The following STK32B variants were observed in gnomAD, a reference collection of about 807,000 sequenced individuals.
STK32B encodes serine/threonine-protein kinase 32B.
Under a neutral mutation model 52.6 loss-of-function variants are expected in STK32B, and 43 were observed. That is an observed-to-expected ratio of 0.82 (90% CI 0.64 to 1.05). The LOEUF (loss-of-function observed/expected upper bound fraction) is 1.05, where lower values mean the gene tolerates loss of function less well. STK32B is among the 50% of genes least tolerant of loss of function. The probability of loss-of-function intolerance (pLI) is 0.00; values close to 1 mark genes in which losing one functional copy is unlikely to be tolerated. For synonymous variants in STK32B, 238 were observed against 204.3 expected, an observed-to-expected ratio of 1.17 and a Z score of -1.41; for missense variants, 621 against 534.6, an observed-to-expected ratio of 1.16 and a Z score of -1.59.
rs564594306 is a variant in STK32B at position 5,139,920 on chromosome 4, T to A, written c.68T>A (p.Phe23Tyr). Residue 23 changes from phenylalanine (F) to tyrosine (Y), a missense_variant, in exon 2 of 12, where the codon TTT (phenylalanine) becomes TAT (tyrosine). Coordinates refer to ENST00000282908, the MANE Select transcript of STK32B (RefSeq NM_018401.3). ...TCTTTTGCAGTCAACTTTGACCATT[T>A]TCAGATTCTGCGGGCCATTGGTAAA... Reference protein sequence around the residue: ...DENEEVNFDHFQILRAIGKGS... With the variant: ...DENEEVNFDHYQILRAIGKGS... 1 of 1,614,198 alleles carries A rather than the reference T, an allele frequency of 6.2e-7. No homozygotes were observed. The highest frequency in any genetic ancestry group is 8.5e-7 in the Non-Finnish European group (1 of 1,180,034).
chr4:5,331,545 T>A (rs1560326718), intron 4 of STK32B, 152 bp downstream of exon 4: 1 of 778,790 alleles, frequency 1.3e-6, no homozygotes, highest in Non-Finnish European at 2.0e-6. Flanking sequence ...TTTCTTCCTA[T>A]TTTTTTATGT....
At chr4:5,444,191 T>A (rs1324516582) in intron 6 of STK32B, among the ~76,000 whole-genome samples, 1 of 151,958 alleles carries the variant, frequency 6.6e-6, no homozygotes, top group African/African-American at 2.4e-5. Flanking sequence ...CGGGCGCCCC[T>A]CCCCCAGCCT....
chr4:5,389,375 G>C (rs1373916593), intron 4 of STK32B, among the ~76,000 whole-genome samples: 1 of 152,208 alleles, frequency 6.6e-6, no homozygotes, highest in East Asian at 1.9e-4. Flanking sequence ...GGTTCTGAAA[G>C]CTGGAAGTCC....
intron 3 of STK32B, among the ~76,000 whole-genome samples, chr4:5,240,110 GGTTTGACAT>G (rs1054352686): frequency 2.9e-5 from 4 of 139,794 alleles, no homozygotes; most frequent in Non-Finnish European, 6.2e-5. Context: ...TTTATCCTTG[GGTTTGACAT>G]GTTTGACTTC....
At chr4:5,462,964 G>C (rs535960646) in intron 9 of STK32B, among the ~76,000 whole-genome samples, 32 of 152,298 alleles carry the variant, frequency 2.1e-4, no homozygotes, top group African/African-American at 7.2e-4. Flanking sequence ...CGCAGGCTCT[G>C]CTGAGCCGGG....
At chr4:5,203,739 A>G (rs1367046067) in intron 3 of STK32B, among the ~76,000 whole-genome samples, 2 of 152,090 alleles carry the variant, frequency 1.3e-5, no homozygotes, top group East Asian at 1.9e-4. Context: ...TTCCAACCCA[A>G]ATGCCTCAGA....
rs1328436074 is a variant in STK32B at position 5,467,900 on chromosome 4, A to G, written c.1042-106A>G. On this transcript the variant is annotated intron_variant, in intron 10 of 11. Coordinates refer to ENST00000282908, the MANE Select transcript of STK32B (RefSeq NM_018401.3). The surrounding 1 kb of genome is among the most constrained non-coding windows in gnomAD (Gnocchi z 5.8). ...AGCTTGGCTTGTCCCGGTCCCAAGCATCTGAGGTTTCCATCTAGGTCAGTC... is the reference window on the plus strand; with the variant it reads ...AGCTTGGCTTGTCCCGGTCCCAAGCGTCTGAGGTTTCCATCTAGGTCAGTC... The G allele has an allele frequency of 1.6e-6, 2 of 1,289,234 alleles. No homozygotes were observed. Among genetic ancestry groups the G allele is most frequent in the Non-Finnish European group, 2.2e-6 (2 of 895,280 alleles). 79.9% of individuals were successfully genotyped at this position (1,289,234 alleles called of 1,614,324 possible). A position where few individuals can be genotyped will look rare whatever the true frequency, so the allele number is the denominator to read the frequency against.
At chr4:5,329,241 C>T (rs1289988351) in intron 3 of STK32B, among the ~76,000 whole-genome samples, 1 of 152,118 alleles carries the variant, frequency 6.6e-6, no homozygotes. Flanking sequence ...GGAGACACTT[C>T]ATTCCATCCC....
At chr4:5,197,605 T>A (rs1721786985) in intron 3 of STK32B, among the ~76,000 whole-genome samples, 1 of 152,258 alleles carries the variant, frequency 6.6e-6, no homozygotes, top group Non-Finnish European at 1.5e-5. Flanking sequence ...CACAAAGAAT[T>A]CATTCAAGAA....
chr4:5,102,970 T>C (rs1462046366), intron 1 of STK32B, among the ~76,000 whole-genome samples: 1 of 137,048 alleles, frequency 7.3e-6, no homozygotes, highest in Non-Finnish European at 1.6e-5. Flanking sequence ...CCCCTTTCCT[T>C]TCCTTTTCTT....
intron 3 of STK32B, among the ~76,000 whole-genome samples, chr4:5,217,426 G>A (rs1219823623): frequency 6.6e-6 from 1 of 152,190 alleles, no homozygotes; most frequent in African/African-American, 2.4e-5. Flanking sequence ...ATTGACCACA[G>A]ATTTTGCTGT....
chr4:5,265,769 T>C (rs1480184458), intron 3 of STK32B, among the ~76,000 whole-genome samples: 4 of 152,222 alleles, frequency 2.6e-5, no homozygotes. Context: ...TTATGTAATC[T>C]AGTTGTTGTA....
At chr4:5,328,502 T>C (rs573613432) in intron 3 of STK32B, among the ~76,000 whole-genome samples, 1 of 152,206 alleles carries the variant, frequency 6.6e-6, no homozygotes, top group Admixed American at 6.5e-5. Flanking sequence ...AAGGAGAAAG[T>C]GAGAGATGGG....
intron 3 of STK32B, among the ~76,000 whole-genome samples, chr4:5,308,146 G>A (rs1412808859): frequency 6.6e-6 from 1 of 152,164 alleles, no homozygotes; most frequent in Non-Finnish European, 1.5e-5. Context: ...CATCAGCTGT[G>A]ATTGTATAGA....
chr4:5,173,239 T>TC lies in STK32B; in HGVS notation c.260+4790dup, dbSNP rs557413099. Among the ~76,000 whole-genome samples the TC allele has an allele frequency of 4.7e-4, 72 of 152,320 alleles. 1 individual carries two copies. The South Asian group carries it at 9.3e-3, about 20-fold the overall frequency. On this transcript the variant is annotated intron_variant, in intron 3 of 11. Coordinates refer to ENST00000282908, the MANE Select transcript of STK32B (RefSeq NM_018401.3). ...TCTTGCAGTCTATCAATTTTGTTGA[T>TC]CTTTCAAAAAACCAGCTCCTGGATT...
At chr4:5,272,409 G>A in intron 3 of STK32B, among the ~76,000 whole-genome samples, 1 of 142,890 alleles carries the variant, frequency 7.0e-6, no homozygotes, top group East Asian at 2.0e-4. Context: ...CGGTTTGCCA[G>A]TATTTTATTG....
chr4:5,217,339 C>T (rs1723239687), intron 3 of STK32B, among the ~76,000 whole-genome samples: 1 of 152,266 alleles, frequency 6.6e-6, no homozygotes, highest in East Asian at 1.9e-4. Context: ...GGAGGTCATT[C>T]TGCATTTTAT....
intron 4 of STK32B, among the ~76,000 whole-genome samples, chr4:5,389,955 G>T (rs370864662): frequency 2.0e-5 from 3 of 152,300 alleles, no homozygotes; most frequent in Admixed American, 6.5e-5. Flanking sequence ...TGGGAGTGCC[G>T]CAAGGGGGTG....
chr4:5,214,799 T>C (rs1246248221), intron 3 of STK32B, among the ~76,000 whole-genome samples: 3 of 152,230 alleles, frequency 2.0e-5, no homozygotes, highest in Non-Finnish European at 2.9e-5. Flanking sequence ...CATTATATTT[T>C]GGCACATATT....
Sources: allele counts gnomAD v4.1 joint callset (sites outside exome capture counted in the v4.1 genomes callset), GRCh38; gene constraint gnomAD v4.1.1; non-coding constraint Gnocchi (gnomAD v3.1); transcripts MANE v1.5; gene names NCBI Gene and HGNC (gene_info 2026-07-23, HGNC 2026-07-21).